The following RECK variants were observed in gnomAD, a reference collection of about 807,000 sequenced individuals.
RECK encodes the protein reversion inducing cysteine rich protein with kazal motifs.
A neutral mutation model predicts 115.1 loss-of-function variants in RECK; 69 were observed. That is an observed-to-expected ratio of 0.60 (90% CI 0.49 to 0.73). The LOEUF is 0.73. RECK is among the 30% of genes least tolerant of loss of function. The probability of loss-of-function intolerance (pLI) is 0.00; values close to 1 mark genes in which losing one functional copy is unlikely to be tolerated. For synonymous variants in RECK, 414 were observed against 419.7 expected (o/e 0.99, Z 0.17); for missense variants, 1,047 against 1,203.7 (o/e 0.87, Z 1.93).
chr9:36,040,991 A>C (rs1481803142), intron 1 of RECK, among the ~76,000 whole-genome samples: 1 of 152,224 alleles, frequency 6.6e-6, no homozygotes, highest in African/African-American at 2.4e-5. Context: ...GCCATTGCTT[A>C]TTAAGCCAAA....
At chr9:36,112,069 G>A (rs1284486809) in intron 15 of RECK, among the ~76,000 whole-genome samples, 1 of 133,416 alleles carries the variant, frequency 7.5e-6, no homozygotes, top group Non-Finnish European at 1.5e-5. Context: ...CTTGCAGTGA[G>A]CCAAGATTGC....
intron 3 of RECK, 110 bp from the exon 4 acceptor site, chr9:36,060,009 T>A: frequency 1.1e-6 from 1 of 945,950 alleles, no homozygotes; most frequent in Non-Finnish European, 1.7e-6. Context: ...ACATTGACTG[T>A]GTAGACATAG....
At chr9:36,116,521 T>A (rs1824274099) in intron 16 of RECK, among the ~76,000 whole-genome samples, 1 of 152,254 alleles carries the variant, frequency 6.6e-6, no homozygotes, top group Non-Finnish European at 1.5e-5. Flanking sequence ...GCCTCCAGCC[T>A]CAGGCTCCAG....
intron 1 of RECK, among the ~76,000 whole-genome samples, chr9:36,043,010 CTTTTTTTTTTTTTTTT>C (rs61673918): frequency 5.0e-5 from 3 of 59,462 alleles, no homozygotes; most frequent in East Asian, 6.7e-4. Flanking sequence ...CCTTAGCCCA[CTTTTTTTTTTTTTTTT>C]TTTTTTTTTT....
chr9:36,095,022 A>G (rs1051851912), intron 10 of RECK, among the ~76,000 whole-genome samples: 3 of 152,252 alleles, frequency 2.0e-5, no homozygotes, highest in Admixed American at 2.0e-4. Context: ...CAATAAAAAT[A>G]AACTATATTG....
chr9:36,107,754 A>T (rs146082499), intron 13 of RECK, among the ~76,000 whole-genome samples: 53 of 152,328 alleles, frequency 3.5e-4, no homozygotes, highest in African/African-American at 1.3e-3. Flanking sequence ...TTTGGGGTAC[A>T]GATCTGTAAT....
intron 6 of RECK, among the ~76,000 whole-genome samples, chr9:36,073,115 A>G (rs1402748799): frequency 1.3e-5 from 2 of 151,828 alleles, no homozygotes; most frequent in East Asian, 3.9e-4. Flanking sequence ...AACAACAAAC[A>G]ATCAAACCAA....
Position 36,102,838 on chromosome 9 carries a change from C to T in RECK, c.1435+608C>T, listed in dbSNP as rs186146140. On this transcript the variant is annotated intron_variant, in intron 12 of 20. Transcript: ENST00000377966. ...AGGCGTGGTGGCGGGCGCCTGTAGT[C>T]CCAGCTACTCCGGAGGCCGAGGCAG... Among the ~76,000 whole-genome samples, 10 of 151,398 alleles carry T rather than the reference C, an allele frequency of 6.6e-5. No homozygotes were observed. The East Asian group carries it at 1.9e-3, about 29-fold the overall frequency.
chr9:36,037,032 C>T lies in RECK; in HGVS notation c.34C>T (p.Leu12=). 2 of 1,417,818 alleles carry T rather than the reference C, an allele frequency of 1.4e-6. No individual in the cohort carries two copies. The highest frequency in any genetic ancestry group is 1.5e-5 in the South Asian group (1 of 68,468). The allele number at this position is 1,417,818 out of a possible 1,614,324, so 87.8% of individuals were successfully genotyped here. The change falls in exon 1 of 21, where the codon CTG becomes TTG. Residue 12 remains leucine, a synonymous_variant. Coordinates refer to ENST00000377966, the MANE Select transcript of RECK (RefSeq NM_021111.3). ...ATVRASLRGA[L]LLLLAVAGVA... is the part of the protein sequence containing the mutation. ...CGTCCGGGCCTCTCTGCGAGGTGCGCTGCTCCTTCTGCTGGCCGTGGCGGG... is the reference window on the plus strand; with the variant it reads ...CGTCCGGGCCTCTCTGCGAGGTGCGTTGCTCCTTCTGCTGGCCGTGGCGGG...
intron 20 of RECK, 130 bp downstream of exon 20, chr9:36,121,818 C>T (rs773295549): frequency 2.6e-5 from 25 of 963,888 alleles, no homozygotes; most frequent in African/African-American, 8.2e-5. Flanking sequence ...GGAAGTTCAG[C>T]GGGACAGGAG....
Position 36,109,982 on chromosome 9 carries a change from C to A in RECK, c.1791C>A (p.Asp597Glu). 4 of 1,613,136 alleles carry A rather than the reference C, an allele frequency of 2.5e-6. No homozygotes were observed. Among genetic ancestry groups the A allele is most frequent in the Non-Finnish European group, 2.5e-6 (3 of 1,179,106 alleles). ...GTCATGGAACATCCTTTAGTATTGA[C>A]TGCAATGTCTGTTCTTGTTTTGCTG... is the stretch of plus-strand genomic sequence containing the variant. ...RKSHGTSFSIDCNVCSCFAGN... is the reference protein window; with the variant it reads ...RKSHGTSFSIECNVCSCFAGN... Residue 597 changes from aspartate to glutamate, a missense_variant, in exon 15 of 21, where the codon GAC (aspartate) becomes GAA (glutamate). By Grantham distance (45) the Asp-to-Glu change is conservative (BLOSUM62 2). Coordinates refer to ENST00000377966, the MANE Select transcript of RECK (RefSeq NM_021111.3).
chr9:36,107,405 T>A (rs1415451517), intron 13 of RECK, among the ~76,000 whole-genome samples: 1 of 152,002 alleles, frequency 6.6e-6, no homozygotes, highest in Non-Finnish European at 1.5e-5. Flanking sequence ...CTGGCCAATA[T>A]GGTGTAACCC....
Position 36,083,543 on chromosome 9 carries a change from A to G in RECK, c.618A>G (p.Pro206=). ...TGAACAATTATACTCAATCTTATCC[A>G]ATGAGGAACCCAACGGATAGTAAGT... ...HCVNNYTQSY[P]MRNPTDSLYC... Residue 206 remains proline (P), a synonymous_variant, in exon 8 of 21, where the codon CCA becomes CCG. Transcript: ENST00000377966. 1 of 1,613,536 alleles carries G rather than the reference A, an allele frequency of 6.2e-7. No individual in the cohort carries two copies. Among genetic ancestry groups the G allele is most frequent in the Non-Finnish European group, 8.5e-7 (1 of 1,179,666 alleles).
intron 6 of RECK, among the ~76,000 whole-genome samples, chr9:36,073,692 A>G (rs942697877): frequency 6.6e-6 from 1 of 152,214 alleles, no homozygotes; most frequent in Admixed American, 6.5e-5. Flanking sequence ...TCCTCAGCCC[A>G]GTATCCCAAG....
At chr9:36,076,150 CT>C (rs1237094186) in intron 6 of RECK, among the ~76,000 whole-genome samples, 3 of 152,246 alleles carry the variant, frequency 2.0e-5, no homozygotes, top group Non-Finnish European at 4.4e-5. Context: ...CCTACCAGTG[CT>C]CTTCCATGAC....
At chr9:36,078,854 A>G (rs981121605) in intron 6 of RECK, among the ~76,000 whole-genome samples, 1 of 151,330 alleles carries the variant, frequency 6.6e-6, no homozygotes, top group African/African-American at 2.4e-5. Context: ...GACTACCTTT[A>G]TTTTATTTTA....
chr9:36,082,152 T>TCTCTCTCTCTCTCTCTC (rs1822728438), intron 7 of RECK, among the ~76,000 whole-genome samples: 3 of 113,712 alleles, frequency 2.6e-5, no homozygotes, highest in Admixed American at 9.3e-5. Flanking sequence ...CCTCCCTGCT[T>TCTCTCTCTCTCTCTCTC]TCTCTCTCTC....
chr9:36,037,772 A>G (rs1479644669), intron 1 of RECK, among the ~76,000 whole-genome samples: 1 of 151,946 alleles, frequency 6.6e-6, no homozygotes, highest in Non-Finnish European at 1.5e-5. Context: ...CTCTCTCGGT[A>G]GGAGATGGGG....
chr9:36,112,719 A>C (rs2132667429), intron 16 of RECK, among the ~76,000 whole-genome samples: 1 of 152,328 alleles, frequency 6.6e-6, no homozygotes, highest in Non-Finnish European at 1.5e-5. Flanking sequence ...AGAGATTGTG[A>C]TACCTAGCTG....
Sources: allele counts gnomAD v4.1 joint callset (sites outside exome capture counted in the v4.1 genomes callset), GRCh38; gene constraint gnomAD v4.1.1; transcripts MANE v1.5; gene names NCBI Gene and HGNC (gene_info 2026-07-23, HGNC 2026-07-21).